Variants in ZNF69 observed in about 807,000 individuals in gnomAD.
The protein encoded by ZNF69 is zinc finger protein 69.
In ZNF69, 47 loss-of-function variants were observed where a neutral mutation model predicts 50.9. The observed-to-expected ratio is 0.92, with a 90% CI of 0.73 to 1.18. The LOEUF (loss-of-function observed/expected upper bound fraction) is 1.18, where lower values mean the gene tolerates loss of function less well. Ranked by LOEUF, ZNF69 falls within the 50% of genes most tolerant of loss-of-function variation. ZNF69 has a pLI of 0.00. For synonymous variants in ZNF69, 216 were observed against 223.1 expected (o/e 0.97, Z 0.29); for missense variants, 717 against 675.1 (o/e 1.06, Z -0.69).
At chr19:11,888,777 G>C (rs923363553) in intron 1 of ZNF69, among the ~76,000 whole-genome samples, 1 of 152,100 alleles carries the variant, frequency 6.6e-6, no homozygotes, top group Non-Finnish European at 1.5e-5. Flanking sequence ...AGACCAGCCT[G>C]GCCAACATGG....
At chr19:11,928,748 A>G in the ZNF69 span, among the ~76,000 whole-genome samples, 235 of 142,500 alleles carry the variant, frequency 1.6e-3, 25 homozygotes, top group African/African-American at 5.0e-3. Context: ...AAAAAAAAAA[A>G]AAAGAAAGTA....
At chr19:11,971,451 C>T in the ZNF69 span, among the ~76,000 whole-genome samples, 13 of 152,084 alleles carry the variant, frequency 8.5e-5, no homozygotes, top group South Asian at 2.1e-4. Flanking sequence ...ATATTCATGC[C>T]GTAACACCCT....
chr19:11,976,951 G>C, the ZNF69 span: 1 of 1,579,264 alleles, frequency 6.3e-7, no homozygotes, highest in Non-Finnish European at 8.6e-7. Flanking sequence ...AATGTTTGGA[G>C]TCCACGGCAA....
the ZNF69 span, among the ~76,000 whole-genome samples, chr19:11,940,598 G>T: frequency 6.6e-6 from 1 of 152,122 alleles, no homozygotes; most frequent in African/African-American, 2.4e-5. Context: ...AAGCAGCGTG[G>T]ACCCAAAGAG....
the ZNF69 span, among the ~76,000 whole-genome samples, chr19:11,930,708 A>G: frequency 2.7e-5 from 4 of 148,170 alleles, no homozygotes; most frequent in Non-Finnish European, 5.9e-5. Context: ...ATTACCTTAA[A>G]TAGATGCCCA....
the ZNF69 span, among the ~76,000 whole-genome samples, chr19:11,941,831 G>A: frequency 6.6e-6 from 1 of 152,220 alleles, no homozygotes; most frequent in Non-Finnish European, 1.5e-5. Flanking sequence ...CGAGGGCTGT[G>A]AGGACTGCCA....
At chr19:11,891,164 A>C (rs1283437982) in intron 1 of ZNF69, among the ~76,000 whole-genome samples, 3 of 152,072 alleles carry the variant, frequency 2.0e-5, no homozygotes, top group African/African-American at 7.2e-5. Flanking sequence ...GATGGCTTAG[A>C]TCTGTTTTCT....
chr19:11,978,484 T>A, the ZNF69 span: 1 of 1,614,202 alleles, frequency 6.2e-7, no homozygotes, highest in South Asian at 1.1e-5. Flanking sequence ...CATTCAGGCA[T>A]TCGAAGACGC....
chr19:11,913,393 C>CG (rs1555698706), intron 4 of ZNF69: 1 of 449,458 alleles, frequency 2.2e-6, no homozygotes, highest in African/African-American at 2.2e-5. Context: ...TTTTTCTTAT[C>CG]TTTTTTTTTT....
At chr19:11,941,534 C>A in the ZNF69 span, among the ~76,000 whole-genome samples, 1 of 152,232 alleles carries the variant, frequency 6.6e-6, no homozygotes, top group Admixed American at 6.5e-5. Flanking sequence ...CAGCCGCTGG[C>A]CCAGGTGCTA....
At chr19:11,899,851 A>G (rs1342514330) in intron 1 of ZNF69, among the ~76,000 whole-genome samples, 2 of 152,218 alleles carry the variant, frequency 1.3e-5, no homozygotes, top group African/African-American at 4.8e-5. Flanking sequence ...TTCCATTCAC[A>G]TCCCTAGTGA....
At chr19:11,933,859 A>G in the ZNF69 span, among the ~76,000 whole-genome samples, 1 of 147,194 alleles carries the variant, frequency 6.8e-6, no homozygotes, top group Non-Finnish European at 1.5e-5. Flanking sequence ...AAAAAAAAAA[A>G]AAAAATTTGT....
At chr19:11,961,889 T>C in the ZNF69 span, 1 of 151,274 alleles carries the variant, frequency 6.6e-6, no homozygotes, top group Non-Finnish European at 1.5e-5. Flanking sequence ...AGTGCTAGGA[T>C]TATAGGCGTG....
the ZNF69 span, among the ~76,000 whole-genome samples, chr19:11,970,012 C>A: frequency 1.3e-5 from 2 of 152,138 alleles, no homozygotes; most frequent in Non-Finnish European, 2.9e-5. Flanking sequence ...GGTATTAGTG[C>A]CTTAGGGGAG....
intron 1 of ZNF69, among the ~76,000 whole-genome samples, chr19:11,896,813 T>C (rs550351481): frequency 3.0e-4 from 46 of 152,328 alleles, no homozygotes; most frequent in Non-Finnish European, 6.5e-4. Context: ...TTTTTAGAAG[T>C]AGTTTTTTCT....
At chr19:11,932,676 C>T in the ZNF69 span, among the ~76,000 whole-genome samples, 5 of 133,640 alleles carry the variant, frequency 3.7e-5, no homozygotes, top group Non-Finnish European at 6.1e-5. Flanking sequence ...CTTGCCCTGT[C>T]GCCCAGGCTG....
At chr19:11,934,758 C>T in the ZNF69 span, among the ~76,000 whole-genome samples, 1 of 147,922 alleles carries the variant, frequency 6.8e-6, no homozygotes, top group African/African-American at 2.7e-5. Context: ...AACTCCTGAC[C>T]TCAGGTCATC....
the ZNF69 span, chr19:11,949,369 A>C: frequency 6.2e-7 from 1 of 1,613,784 alleles, no homozygotes; most frequent in Non-Finnish European, 8.5e-7. Flanking sequence ...CTATGAATGT[A>C]AGGAATGTGG....
In ZNF69 at chr19:11,895,955, G is replaced by C. The variant is rs1480146394; in HGVS notation, c.64-7618G>C. On this transcript the variant is annotated intron_variant, in intron 1 of 3. Transcript: ENST00000429654. Reference sequence around the variant, plus strand: ...GATGCCCAGACTGGGCATGGTGGCTGACGCCTGTAATCCCAGCACTTTGGG... The same window carrying C: ...GATGCCCAGACTGGGCATGGTGGCTCACGCCTGTAATCCCAGCACTTTGGG... 1.2e-4 allele frequency among the ~76,000 whole-genome samples: 18 copies of C among 152,138 alleles called. No individual in the cohort carries two copies. The East Asian group carries it at 2.5e-3, about 21-fold the overall frequency.
Sources: allele counts gnomAD v4.1 joint callset (sites outside exome capture counted in the v4.1 genomes callset), GRCh38; gene constraint gnomAD v4.1.1; transcripts MANE v1.5; gene names NCBI Gene and HGNC (gene_info 2026-07-23, HGNC 2026-07-21).